CRTAC1: variants seen among roughly 807,000 people sequenced by gnomAD.
CRTAC1 encodes the protein acidic secreted protein in cartilage.
Under a neutral mutation model 67.8 loss-of-function variants are expected in CRTAC1, and 37 were observed. The ratio of observed to expected loss-of-function variants is 0.55; its 90% CI spans 0.42 to 0.72. CRTAC1 has a LOEUF of 0.72. Among genes scored for constraint, CRTAC1 ranks in the 30% least tolerant of loss-of-function variants. The pLI, the probability that CRTAC1 is intolerant of heterozygous loss-of-function variation, is 0.00. For missense variants in CRTAC1, 780 were observed against 931.6 expected, an observed-to-expected ratio of 0.84 and a Z score of 2.12; for synonymous variants, 348 against 371.0, an observed-to-expected ratio of 0.94 and a Z score of 0.71.
At chr10:97,942,674 C>T (rs890219763) in intron 2 of CRTAC1, among the ~76,000 whole-genome samples, 15 of 151,304 alleles carry the variant, frequency 9.9e-5, no homozygotes, top group African/African-American at 2.9e-4. Flanking sequence ...TAAATAGAAA[C>T]ATTTTTTAGA....
chr10:97,901,557 T>A lies in CRTAC1; in HGVS notation c.1079A>T (p.Glu360Val). ...TADFDNDQEL[E>V]IFFNNIAYRS... ...GTAGGCAATGTTGTTGAAGAAGATC[T>A]CCAGCTCCTGGTCATTGTCAAAGTC... Residue 360 changes from glutamate (E) to valine (V), a missense_variant, in exon 8 of 15, where the codon GAG becomes GTG. Physicochemically the swap from Glu to Val is moderately radical, Grantham distance 121. Transcript: ENST00000370597. The A allele has an allele frequency of 6.2e-7, 1 of 1,614,202 alleles. No homozygotes were observed. The highest frequency in any genetic ancestry group is 8.5e-7 in the Non-Finnish European group (1 of 1,180,034).
At chr10:97,985,624 C>T (rs1478221499) in intron 2 of CRTAC1, among the ~76,000 whole-genome samples, 2 of 152,160 alleles carry the variant, frequency 1.3e-5, no homozygotes, top group Admixed American at 6.5e-5. Context: ...TGAGAACAGC[C>T]TTTGGTCATC....
chr10:97,922,993 T>C (rs1590211449), intron 4 of CRTAC1, among the ~76,000 whole-genome samples: 1 of 152,112 alleles, frequency 6.6e-6, no homozygotes, highest in Non-Finnish European at 1.5e-5. Context: ...AAGTCACTGC[T>C]CCAAGCTAGG....
intron 1 of CRTAC1, among the ~76,000 whole-genome samples, chr10:98,028,028 A>G (rs1345061831): frequency 1.3e-5 from 2 of 152,206 alleles, no homozygotes; most frequent in Non-Finnish European, 2.9e-5. Context: ...ATGCTCTCCA[A>G]GGCTCCTTGC....
intron 2 of CRTAC1, among the ~76,000 whole-genome samples, chr10:97,989,704 G>C (rs1408344497): frequency 1.3e-5 from 2 of 152,206 alleles, no homozygotes; most frequent in Non-Finnish European, 2.9e-5. Context: ...CACTACCATA[G>C]TGCTATGAAG....
chr10:98,008,747 T>C (rs1280172837), intron 2 of CRTAC1, among the ~76,000 whole-genome samples: 1 of 152,058 alleles, frequency 6.6e-6, no homozygotes, highest in Non-Finnish European at 1.5e-5. Context: ...TACGAGAGTA[T>C]ACCATCTTCC....
chr10:97,997,800 A>C (rs1250511495), intron 2 of CRTAC1, among the ~76,000 whole-genome samples: 1 of 152,226 alleles, frequency 6.6e-6, no homozygotes, highest in East Asian at 1.9e-4. Flanking sequence ...CAATTGAAGA[A>C]ATAATTAGTG....
At chr10:97,916,031 GT>G (rs1334866716) in intron 5 of CRTAC1, among the ~76,000 whole-genome samples, 47 of 152,106 alleles carry the variant, frequency 3.1e-4, no homozygotes, top group African/African-American at 1.1e-3. Flanking sequence ...CCCAGCCAGC[GT>G]GAACAATGCC....
chr10:97,965,875 A>G (rs1451237377), intron 2 of CRTAC1, among the ~76,000 whole-genome samples: 1 of 152,214 alleles, frequency 6.6e-6, no homozygotes, highest in Admixed American at 6.5e-5. Context: ...TCAGTGAGAG[A>G]AGCTGAAAGC....
intron 1 of CRTAC1, among the ~76,000 whole-genome samples, chr10:98,024,473 A>G (rs1200909476): frequency 6.6e-6 from 1 of 152,192 alleles, no homozygotes; most frequent in Admixed American, 6.5e-5. Flanking sequence ...ATGGAGGAGA[A>G]GTCGCCATCA....
intron 13 of CRTAC1, among the ~76,000 whole-genome samples, chr10:97,882,020 C>G (rs926428883): frequency 6.6e-6 from 1 of 152,200 alleles, no homozygotes; most frequent in Non-Finnish European, 1.5e-5. Flanking sequence ...ACTTTTGTGG[C>G]TCTCCATTGG....
intron 3 of CRTAC1, among the ~76,000 whole-genome samples, chr10:97,928,486 T>C (rs1461246118): frequency 6.6e-6 from 1 of 152,224 alleles, no homozygotes; most frequent in Middle Eastern, 3.2e-3. Flanking sequence ...ACGTATATTC[T>C]CATTAACCCT....
chr10:97,968,380 T>C (rs1487577984), intron 2 of CRTAC1, among the ~76,000 whole-genome samples: 1 of 152,158 alleles, frequency 6.6e-6, no homozygotes, highest in Non-Finnish European at 1.5e-5. Flanking sequence ...GTAGCTGGGA[T>C]TTCAGGCACG....
At chr10:98,026,227 C>T (rs1843229898) in intron 1 of CRTAC1, among the ~76,000 whole-genome samples, 1 of 152,200 alleles carries the variant, frequency 6.6e-6, no homozygotes, top group African/African-American at 2.4e-5. Context: ...GAAACTGAGG[C>T]TTGCAGAGGT....
intron 6 of CRTAC1, among the ~76,000 whole-genome samples, chr10:97,905,730 A>C (rs1440359832): frequency 6.6e-6 from 1 of 152,222 alleles, no homozygotes; most frequent in Non-Finnish European, 1.5e-5. Context: ...ACATGACAGA[A>C]GGCAAACCGG....
intron 2 of CRTAC1, among the ~76,000 whole-genome samples, chr10:97,957,975 A>G (rs1590238462): frequency 6.6e-6 from 1 of 152,186 alleles, no homozygotes. Flanking sequence ...TGCACAGGGG[A>G]AAGTCTCTTC....
At chr10:98,008,274 T>A (rs1415204575) in intron 2 of CRTAC1, among the ~76,000 whole-genome samples, 1 of 152,210 alleles carries the variant, frequency 6.6e-6, no homozygotes, top group Non-Finnish European at 1.5e-5. Context: ...TTGAGAGAGA[T>A]GCTGTGGAAA....
At chr10:97,875,377 C>T (rs1590172472) in intron 14 of CRTAC1, among the ~76,000 whole-genome samples, 1 of 152,248 alleles carries the variant, frequency 6.6e-6, no homozygotes, top group African/African-American at 2.4e-5. Flanking sequence ...TTTCTTCTCT[C>T]TTGCGTCTCA....
chr10:97,962,518 C>G (rs1399975108), intron 2 of CRTAC1, among the ~76,000 whole-genome samples: 1 of 152,198 alleles, frequency 6.6e-6, no homozygotes, highest in East Asian at 1.9e-4. Flanking sequence ...TCAGTAACAA[C>G]TCGAGTTGTG....
Sources: allele counts gnomAD v4.1 joint callset (sites outside exome capture counted in the v4.1 genomes callset), GRCh38; gene constraint gnomAD v4.1.1; transcripts MANE v1.5; gene names NCBI Gene and HGNC (gene_info 2026-07-23, HGNC 2026-07-21).